The following KCNMA1 variants were observed in gnomAD, a reference collection of about 807,000 sequenced individuals.
KCNMA1 encodes the protein potassium calcium-activated channel subfamily M alpha 1.
Under a neutral mutation model 140.0 loss-of-function variants are expected in KCNMA1, and 29 were observed. That is an observed-to-expected ratio of 0.21 (90% CI 0.15 to 0.28). KCNMA1 has a LOEUF of 0.28. KCNMA1 is among the 10% of genes least tolerant of loss of function. The pLI, the probability that KCNMA1 is intolerant of heterozygous loss-of-function variation, is 1.00. For missense variants in KCNMA1, 880 were observed against 1,602.2 expected (o/e 0.55, Z 7.70); for synonymous variants, 612 against 611.9 (o/e 1.00, Z 0.00).
chr10:76,889,339 A>G (rs536790372), intron 27 of KCNMA1, 112 bp downstream of exon 27: 1 of 763,966 alleles, frequency 1.3e-6, no homozygotes, highest in African/African-American at 1.7e-5. Flanking sequence ...GGGCAGAGTA[A>G]TTTGCATGTT....
At chr10:76,893,789 C>A (rs1365602806) in intron 25 of KCNMA1, among the ~76,000 whole-genome samples, 1 of 151,924 alleles carries the variant, frequency 6.6e-6, no homozygotes. Flanking sequence ...GAAGGAGGAA[C>A]AAGACTGGTA....
chr10:77,538,030 TCA>T, intron 1 of KCNMA1, among the ~76,000 whole-genome samples: 1 of 151,296 alleles, frequency 6.6e-6, no homozygotes, highest in South Asian at 2.1e-4. Context: ...ACACGTACTC[TCA>T]CACACACTCT....
At chr10:77,439,100 G>GAGA in intron 1 of KCNMA1, among the ~76,000 whole-genome samples, 1 of 132,432 alleles carries the variant, frequency 7.6e-6, no homozygotes, top group East Asian at 2.2e-4. Flanking sequence ...GAGAAGAGAA[G>GAGA]AGAAGAGAAG....
intron 1 of KCNMA1, among the ~76,000 whole-genome samples, chr10:77,488,671 GCCCAGAGCCCAGGGGTGA>G (rs2098492107): frequency 6.6e-6 from 1 of 152,078 alleles, no homozygotes; most frequent in South Asian, 2.1e-4. Context: ...CCTGGGGCAG[GCCCAGAGCCCAGGGGTGA>G]CGAGGAGACA....
intron 1 of KCNMA1, among the ~76,000 whole-genome samples, chr10:77,549,605 G>A (rs7068024): frequency 1.1e-3 from 170 of 152,306 alleles, no homozygotes; most frequent in African/African-American, 3.9e-3. Flanking sequence ...ACTCTGGCAG[G>A]GTCTGTGAGC....
At position 76,928,281 on chromosome 10, in the gene KCNMA1, A is replaced by ACG. The variant is rs1388776203; in HGVS notation, c.2903-13234_2903-13233dup. ...CACACACACACACACACACACGAAC[A>ACG]CGCGCGCGCACACACACACACACAC... On this transcript the variant is annotated intron_variant, in intron 23 of 27. Transcript: ENST00000286628. 2.6e-3 allele frequency among the ~76,000 whole-genome samples: 277 copies of ACG among 105,280 alleles called. 1 individual carries two copies. Among genetic ancestry groups the ACG allele is most frequent in the South Asian group, 9.5e-3 (26 of 2,726 alleles). 69.1% of individuals were successfully genotyped at this position (105,280 alleles called of 152,430 possible).
intron 5 of KCNMA1, among the ~76,000 whole-genome samples, chr10:77,142,888 GTAAACAGCTACATATCTGTTAAA>G (rs1356588935): frequency 3.9e-5 from 6 of 152,138 alleles, no homozygotes; most frequent in Non-Finnish European, 7.4e-5. Context: ...AATAGAAAAT[GTAAACAGCTACATATCTGTTAAA>G]TAAATGGAAA....
At chr10:77,619,969 A>T (rs2090883470) in intron 1 of KCNMA1, among the ~76,000 whole-genome samples, 1 of 152,134 alleles carries the variant, frequency 6.6e-6, no homozygotes, top group Non-Finnish European at 1.5e-5. Flanking sequence ...GCCTTCTATC[A>T]CATTTGGATC....
intron 2 of KCNMA1, among the ~76,000 whole-genome samples, chr10:77,349,347 C>T (rs1211949524): frequency 2.0e-5 from 3 of 152,218 alleles, no homozygotes; most frequent in Non-Finnish European, 4.4e-5. Context: ...TGACCTTGAA[C>T]TTTCCAGCCT....
chr10:77,292,158 G>A (rs529695757), intron 2 of KCNMA1, among the ~76,000 whole-genome samples: 1 of 152,250 alleles, frequency 6.6e-6, no homozygotes, highest in African/African-American at 2.4e-5. Context: ...CCTCCTCTGG[G>A]CAGGGCAGCA....
intron 1 of KCNMA1, among the ~76,000 whole-genome samples, chr10:77,633,246 C>G (rs548383588): frequency 1.3e-5 from 2 of 152,078 alleles, no homozygotes; most frequent in African/African-American, 4.8e-5. Flanking sequence ...ACCCAGGAGG[C>G]GCAGGCTGCA....
intron 3 of KCNMA1, among the ~76,000 whole-genome samples, chr10:77,209,328 A>G (rs1380333606): frequency 1.3e-5 from 2 of 152,208 alleles, no homozygotes; most frequent in Non-Finnish European, 2.9e-5. Context: ...CCTCAGATCA[A>G]AGCTACCCAA....
chr10:77,275,091 C>G lies in KCNMA1; in HGVS notation c.541-23835G>C, dbSNP rs543580608. ...TTGAGTGTGGAGGGGCTTTTCTTTTCAGAGTCTCCTTCATGGGCAACTGGA... is the reference window on the plus strand; with the variant it reads ...TTGAGTGTGGAGGGGCTTTTCTTTTGAGAGTCTCCTTCATGGGCAACTGGA... On this transcript the variant is annotated intron_variant, in intron 2 of 27. Coordinates refer to ENST00000286628, the MANE Select transcript of KCNMA1 (RefSeq NM_001161352.2). Among the ~76,000 whole-genome samples, 11 of 152,286 alleles carry G rather than the reference C, an allele frequency of 7.2e-5. No homozygotes were observed. The South Asian group carries it at 2.1e-3, about 29-fold the overall frequency.
intron 3 of KCNMA1, among the ~76,000 whole-genome samples, chr10:77,233,497 G>A (rs2054308684): frequency 6.6e-6 from 1 of 152,174 alleles, no homozygotes; most frequent in Non-Finnish European, 1.5e-5. Context: ...AAGGCCCATG[G>A]GACATGACCA....
At chr10:77,443,847 T>C (rs1329479695) in intron 1 of KCNMA1, among the ~76,000 whole-genome samples, 2 of 152,218 alleles carry the variant, frequency 1.3e-5, no homozygotes, top group African/African-American at 2.4e-5. Context: ...TAGAGTTTGA[T>C]AGATCAGTAG....
At chr10:77,125,645 G>A (rs1007640738) in intron 5 of KCNMA1, among the ~76,000 whole-genome samples, 3 of 152,148 alleles carry the variant, frequency 2.0e-5, no homozygotes, top group African/African-American at 7.2e-5. Context: ...CTAGCACCTC[G>A]GTTATGTGGT....
chr10:77,536,130 C>T (rs1366186627), intron 1 of KCNMA1, among the ~76,000 whole-genome samples: 1 of 152,208 alleles, frequency 6.6e-6, no homozygotes, highest in Non-Finnish European at 1.5e-5. Flanking sequence ...TGTGTGCTCA[C>T]AGCAAACTAT....
At chr10:77,467,366 GTTGTCT>G (rs1417519896) in intron 1 of KCNMA1, among the ~76,000 whole-genome samples, 1 of 152,212 alleles carries the variant, frequency 6.6e-6, no homozygotes, top group African/African-American at 2.4e-5. Flanking sequence ...CTCCGAAGCA[GTTGTCT>G]TCACTAATGT....
intron 1 of KCNMA1, among the ~76,000 whole-genome samples, chr10:77,506,005 C>A (rs565155818): frequency 3.2e-4 from 48 of 152,186 alleles, no homozygotes; most frequent in African/African-American, 1.1e-3. Flanking sequence ...AGAGAAGGCA[C>A]CAGGAGAAGC....
Sources: gnomAD v4.1 joint callset for allele counts (sites outside exome capture counted in the v4.1 genomes callset) on GRCh38, gnomAD v4.1.1 for gene constraint, MANE v1.5 for transcripts, NCBI Gene and HGNC (gene_info 2026-07-23, HGNC 2026-07-21) for gene names.